Variants in STAT4 observed in about 807,000 individuals in gnomAD.
STAT4 encodes signal transducer and activator of transcription 4.
A neutral mutation model predicts 110.5 loss-of-function variants in STAT4; 42 were observed. The ratio of observed to expected loss-of-function variants is 0.38; its 90% confidence interval spans 0.30 to 0.49. The LOEUF (loss-of-function observed/expected upper bound fraction) is 0.49, where lower values mean the gene tolerates loss of function less well. Ranked by LOEUF, STAT4 falls within the 20% of genes least tolerant of loss-of-function variation. The probability of loss-of-function intolerance (pLI) is 0.95; values close to 1 mark genes in which losing one functional copy is unlikely to be tolerated. For missense variants in STAT4, 632 were observed against 887.9 expected, an observed-to-expected ratio of 0.71 and a Z score of 3.66; for synonymous variants, 284 against 302.2, an observed-to-expected ratio of 0.94 and a Z score of 0.63.
chr2:191,046,945 T>C lies in STAT4; in HGVS notation c.1252-5797A>G, dbSNP rs549424750. ...TTCTAAATAGCCTCAGGATGAGAGTTGGTTGCTAGGGGAACCAATCATGTG... is the reference window on the plus strand; with the variant it reads ...TTCTAAATAGCCTCAGGATGAGAGTCGGTTGCTAGGGGAACCAATCATGTG... On this transcript the variant is annotated intron_variant, in intron 14 of 23. Coordinates refer to ENST00000392320, the MANE Select transcript of STAT4 (RefSeq NM_003151.4). This position sits in a 1 kb window ranked among gnomAD's most constrained non-coding sequence, Gnocchi z 4.6. Among the ~76,000 whole-genome samples the C allele has an allele frequency of 6.6e-6, 1 of 152,328 alleles. No homozygotes were observed. Among genetic ancestry groups the C allele is most frequent in the East Asian group, 1.9e-4 (1 of 5,190 alleles).
chr2:191,134,344 G>T (rs1341986004), intron 3 of STAT4, among the ~76,000 whole-genome samples: 1 of 152,156 alleles, frequency 6.6e-6, no homozygotes, highest in Non-Finnish European at 1.5e-5. Context: ...GCCTACTGTT[G>T]CTATATCCAG....
intron 3 of STAT4, among the ~76,000 whole-genome samples, chr2:191,085,356 G>A (rs1436867648): frequency 6.6e-6 from 1 of 151,712 alleles, no homozygotes; most frequent in Non-Finnish European, 1.5e-5. Flanking sequence ...GATCTTACTT[G>A]ATATGTTAAA....
Position 191,060,694 on chromosome 2 carries a change from T to C in STAT4, c.1034+1035A>G, listed in dbSNP as rs985617613. Among the ~76,000 whole-genome samples the C allele has an allele frequency of 4.6e-5, 7 of 152,294 alleles. No homozygotes were observed. Among genetic ancestry groups the C allele is most frequent in the African/African-American group, 1.7e-4 (7 of 41,556 alleles). On this transcript the variant is annotated intron_variant, in intron 10 of 23. Transcript: ENST00000392320. This position sits in a 1 kb window ranked among gnomAD's most constrained non-coding sequence, Gnocchi z 4.5. ...TCAGGCTCCCAAAGTGCTGGGATTA[T>C]AGGCGTGAGCCACCATGCCTGGCCA...
At chr2:191,065,201 T>C (rs1188509752) in intron 7 of STAT4, among the ~76,000 whole-genome samples, 1 of 152,210 alleles carries the variant, frequency 6.6e-6, no homozygotes, top group Non-Finnish European at 1.5e-5. Flanking sequence ...AGTATAAATA[T>C]ATTGAATGTG....
At chr2:191,118,873 C>T (rs1698641866) in intron 3 of STAT4, among the ~76,000 whole-genome samples, 1 of 152,148 alleles carries the variant, frequency 6.6e-6, no homozygotes, top group South Asian at 2.1e-4. Context: ...ATGCTCCCAC[C>T]TCAGCTTCTC....
intron 3 of STAT4, among the ~76,000 whole-genome samples, chr2:191,087,097 A>G (rs1232222519): frequency 6.6e-6 from 1 of 152,166 alleles, no homozygotes; most frequent in Non-Finnish European, 1.5e-5. Flanking sequence ...TAGAAGCCTA[A>G]CCCATCTGCA....
intron 3 of STAT4, among the ~76,000 whole-genome samples, chr2:191,120,951 C>T (rs1698708337): frequency 6.6e-6 from 1 of 152,122 alleles, no homozygotes; most frequent in South Asian, 2.1e-4. Context: ...AGCTTCTGCA[C>T]AGCAAAAGAA....
intron 6 of STAT4, among the ~76,000 whole-genome samples, chr2:191,069,182 A>C (rs1180191215): frequency 2.0e-5 from 3 of 151,972 alleles, no homozygotes; most frequent in Non-Finnish European, 4.4e-5. Flanking sequence ...GACAGTATTT[A>C]TCTGTAGATA....
chr2:191,106,261 C>G (rs185682224), intron 3 of STAT4, among the ~76,000 whole-genome samples: 2 of 151,644 alleles, frequency 1.3e-5, no homozygotes, highest in African/African-American at 4.8e-5. Context: ...GCTTTTTTGG[C>G]AAATAAATCA....
chr2:191,049,613 C>T (rs1696463503), intron 14 of STAT4, among the ~76,000 whole-genome samples: 2 of 152,092 alleles, frequency 1.3e-5, no homozygotes, highest in East Asian at 3.8e-4. Context: ...CCATGGAAAA[C>T]TATGTGGAAT....
At chr2:191,114,881 T>C (rs1054696108) in intron 3 of STAT4, among the ~76,000 whole-genome samples, 2 of 152,220 alleles carry the variant, frequency 1.3e-5, no homozygotes, top group Non-Finnish European at 2.9e-5. Context: ...GGTATGTTCC[T>C]ACCCTCGCAG....
In STAT4 at chr2:191,066,296, C is replaced by G. The variant is rs984454776; in HGVS notation, c.630+134G>C. 5.2e-6 allele frequency: 4 copies of G among 764,274 alleles called. No homozygotes were observed. The highest frequency in any genetic ancestry group is 4.5e-5 in the Admixed American group (2 of 44,330). The allele number at this position is 764,274 out of a possible 1,614,324, so 47.3% of individuals were successfully genotyped here. On this transcript the variant is annotated intron_variant, in intron 7 of 23. Coordinates refer to ENST00000392320, the MANE Select transcript of STAT4 (RefSeq NM_003151.4). The surrounding 1 kb of genome is among the most constrained non-coding windows in gnomAD (Gnocchi z 4.3). Reference sequence around the variant, plus strand: ...GCATGGCAAACAGCGTGGGACTGTTCCTAGAAACCTTGCCGTTTCTTCATT... The same window carrying G: ...GCATGGCAAACAGCGTGGGACTGTTGCTAGAAACCTTGCCGTTTCTTCATT...
At chr2:191,088,515 G>C (rs962796201) in intron 3 of STAT4, among the ~76,000 whole-genome samples, 1 of 152,108 alleles carries the variant, frequency 6.6e-6, no homozygotes, top group Non-Finnish European at 1.5e-5. Context: ...CTTATCTATA[G>C]ATTCAATGGA....
At position 191,140,667 on chromosome 2, in the gene STAT4, A is replaced by G. The variant is rs1205881308; in HGVS notation, c.273+5946T>C. On this transcript the variant is annotated intron_variant, in intron 3 of 23. Coordinates refer to ENST00000392320, the MANE Select transcript of STAT4 (RefSeq NM_003151.4). The surrounding 1 kb of genome is among the most constrained non-coding windows in gnomAD (Gnocchi z 4.4). ...GGGAATGTAAACTAGTACAACCACC[A>G]TGGAAAACAGTATGGAGATTCCTCA... 1.3e-5 allele frequency among the ~76,000 whole-genome samples: 2 copies of G among 152,232 alleles called. No individual in the cohort carries two copies. The highest frequency in any genetic ancestry group is 2.1e-4 in the South Asian group (1 of 4,828).
intron 3 of STAT4, among the ~76,000 whole-genome samples, chr2:191,136,005 GA>G (rs745380203): frequency 0.013 from 1,045 of 79,760 alleles, 28 homozygotes; most frequent in African/African-American, 0.042. Flanking sequence ...CAGCATCTCA[GA>G]AAAAAAAAAA....
intron 3 of STAT4, among the ~76,000 whole-genome samples, chr2:191,115,630 C>T (rs1698550266): frequency 6.6e-6 from 1 of 152,200 alleles, no homozygotes; most frequent in Admixed American, 6.5e-5. Flanking sequence ...TCATCAGGTC[C>T]TTAGTCACCT....
rs545085858 is a variant in STAT4, at chr2:191,132,937, G to A, written c.273+13676C>T. ...GCCCGGCTAATTTTTTGTATTTTTA[G>A]TAGAGACGGGGTTTCACCGTGTTAG... On this transcript the variant is annotated intron_variant, in intron 3 of 23. Coordinates refer to ENST00000392320, the MANE Select transcript of STAT4 (RefSeq NM_003151.4). Among the ~76,000 whole-genome samples the A allele has an allele frequency of 3.5e-4, 53 of 151,312 alleles. No individual in the cohort carries two copies. In the East Asian group the frequency reaches 7.4e-3, roughly 21 times the overall value.
rs982568008 is a variant in STAT4 at position 191,030,201 on chromosome 2, A to T, written c.2221-335T>A. Among the ~76,000 whole-genome samples, 1 of 152,208 alleles carries T rather than the reference A, an allele frequency of 6.6e-6. No homozygotes were observed. The highest frequency in any genetic ancestry group is 2.4e-5 in the African/African-American group (1 of 41,434). On this transcript the variant is annotated intron_variant, in intron 23 of 23. Transcript: ENST00000392320. The surrounding 1 kb of genome is among the most constrained non-coding windows in gnomAD (Gnocchi z 4.4). ...GGAACTAACATTAGAATAAGCTATC[A>T]AAGTAAAGTGAATTTTTCATCTATG...
At chr2:191,114,909 T>C (rs1480184230) in intron 3 of STAT4, among the ~76,000 whole-genome samples, 1 of 152,172 alleles carries the variant, frequency 6.6e-6, no homozygotes, top group African/African-American at 2.4e-5. Context: ...TTCACAGACT[T>C]TTATGTGTTG....
Sources: gnomAD v4.1 joint callset for allele counts (sites outside exome capture counted in the v4.1 genomes callset) on GRCh38, gnomAD v4.1.1 for gene constraint, Gnocchi (gnomAD v3.1) non-coding constraint, MANE v1.5 for transcripts, NCBI Gene and HGNC (gene_info 2026-07-23, HGNC 2026-07-21) for gene names.